CUL1: variants seen among roughly 807,000 people sequenced by gnomAD.
CUL1 encodes cullin 1.
In CUL1, 24 loss-of-function variants were observed where a neutral mutation model predicts 118.0. The observed-to-expected ratio is 0.20, with a 90% CI of 0.15 to 0.29. The LOEUF is 0.29. CUL1 is among the 10% of genes least tolerant of loss of function. The probability of loss-of-function intolerance (pLI) is 1.00; values close to 1 mark genes in which losing one functional copy is unlikely to be tolerated. For synonymous variants in CUL1, 332 were observed against 340.4 expected (o/e 0.98, Z 0.27); for missense variants, 361 against 933.8 (o/e 0.39, Z 7.99).
intron 2 of CUL1, among the ~76,000 whole-genome samples, chr7:148,749,630 TC>T (rs1315444025): frequency 1.3e-5 from 2 of 151,994 alleles, no homozygotes; most frequent in Admixed American, 1.3e-4. Flanking sequence ...GACTGGCCAT[TC>T]CCCCATCTCT....
intron 1 of CUL1, among the ~76,000 whole-genome samples, chr7:148,701,579 C>T (rs373708757): frequency 7.8e-4 from 119 of 152,290 alleles, no homozygotes; most frequent in African/African-American, 2.8e-3. Flanking sequence ...CTTGCCTTTG[C>T]AATGAAGCAG....
intron 2 of CUL1, among the ~76,000 whole-genome samples, chr7:148,730,978 A>G (rs1382965702): frequency 6.7e-6 from 1 of 149,488 alleles, no homozygotes; most frequent in Non-Finnish European, 1.5e-5. Flanking sequence ...CACCTGGCCA[A>G]TTTTTTTTTT....
At chr7:148,797,395 CAAAA>C (rs5888340) in intron 17 of CUL1, among the ~76,000 whole-genome samples, 1 of 120,498 alleles carries the variant, frequency 8.3e-6, no homozygotes, top group Non-Finnish European at 1.7e-5. Context: ...ACATGATGCT[CAAAA>C]AAAAAAAAAA....
chr7:148,731,458 ATG>A (rs909160723), intron 2 of CUL1, among the ~76,000 whole-genome samples: 16 of 152,358 alleles, frequency 1.1e-4, no homozygotes, highest in South Asian at 2.1e-4. Context: ...TTAGCATAAA[ATG>A]TGTGTTTGCA....
intron 9 of CUL1, among the ~76,000 whole-genome samples, chr7:148,777,819 AT>A (rs1563166498): frequency 6.6e-6 from 1 of 151,894 alleles, no homozygotes; most frequent in South Asian, 2.1e-4. Flanking sequence ...TAATCCCAGC[AT>A]TTTGGGAGGC....
chr7:148,790,759 C>T (rs183807211), intron 16 of CUL1, among the ~76,000 whole-genome samples: 1 of 152,304 alleles, frequency 6.6e-6, no homozygotes, highest in Non-Finnish European at 1.5e-5. Flanking sequence ...CTGCCTGACA[C>T]ACATCAGCTG....
At chr7:148,737,327 CAATT>C (rs1368490829) in intron 2 of CUL1, among the ~76,000 whole-genome samples, 1 of 151,796 alleles carries the variant, frequency 6.6e-6, no homozygotes, top group Non-Finnish European at 1.5e-5. Context: ...TCATTATAAT[CAATT>C]GCAATTAGTT....
intron 17 of CUL1, among the ~76,000 whole-genome samples, chr7:148,795,766 T>C (rs1801175477): frequency 7.1e-6 from 1 of 140,662 alleles, no homozygotes; most frequent in African/African-American, 2.8e-5. Flanking sequence ...CAAGACTCTG[T>C]CTCAAAAAAA....
chr7:148,760,607 T>A, intron 7 of CUL1, 111 bp downstream of exon 7: 1 of 760,886 alleles, frequency 1.3e-6, no homozygotes, highest in Non-Finnish European at 2.1e-6. Flanking sequence ...TGGGCATTGT[T>A]TTTCTAGAGT....
chr7:148,764,748 A>T (rs1426314384), intron 7 of CUL1, among the ~76,000 whole-genome samples: 1 of 152,228 alleles, frequency 6.6e-6, no homozygotes, highest in Non-Finnish European at 1.5e-5. Context: ...TATTGTTTTA[A>T]AATATCTTTA....
At chr7:148,743,441 G>A (rs1326486741) in intron 2 of CUL1, among the ~76,000 whole-genome samples, 4 of 152,158 alleles carry the variant, frequency 2.6e-5, no homozygotes, top group African/African-American at 9.7e-5. Context: ...TCCCTGCTCA[G>A]AGAGCCAATT....
At chr7:148,794,450 A>G (rs1801116124) in intron 17 of CUL1, among the ~76,000 whole-genome samples, 1 of 152,208 alleles carries the variant, frequency 6.6e-6, no homozygotes, top group African/African-American at 2.4e-5. Flanking sequence ...CTATGCCAGT[A>G]TCACACTGTC....
intron 2 of CUL1, among the ~76,000 whole-genome samples, chr7:148,745,552 C>T (rs542175703): frequency 3.3e-5 from 5 of 152,188 alleles, no homozygotes; most frequent in Non-Finnish European, 5.9e-5. Flanking sequence ...TTAGGTACTT[C>T]GGTACATTTA....
At position 148,789,728 on chromosome 7, in the gene CUL1, T is replaced by TCC. The variant is rs1404202461; in HGVS notation, c.1598-19_1598-18dup. 1.9e-6 allele frequency: 3 copies of TCC among 1,602,858 alleles called. No homozygotes were observed. In the African/African-American group the frequency reaches 4.0e-5, roughly 21 times the overall value. ...TTAATGTATTCCAGAATGTTCACTC[T>TCC]CCCCTCTCTTCCGTCCCACAGTGGA... On this transcript the variant is annotated intron_variant, in intron 14 of 21. Transcript: ENST00000325222.
chr7:148,712,698 C>T (rs913838586), intron 1 of CUL1, among the ~76,000 whole-genome samples: 2 of 152,280 alleles, frequency 1.3e-5, no homozygotes, highest in African/African-American at 2.4e-5. Flanking sequence ...TTCCTCATAG[C>T]CACCTTATAC....
chr7:148,720,288 A>G (rs1006633364), intron 1 of CUL1, among the ~76,000 whole-genome samples: 1 of 152,216 alleles, frequency 6.6e-6, no homozygotes, highest in African/African-American at 2.4e-5. Context: ...GGACGAGGCC[A>G]GTGAAGACCC....
intron 2 of CUL1, among the ~76,000 whole-genome samples, chr7:148,742,376 C>T (rs1271870904): frequency 6.6e-6 from 1 of 152,102 alleles, no homozygotes; most frequent in Admixed American, 6.5e-5. Context: ...TGCAGGGAAA[C>T]TCCCATTTAT....
intron 1 of CUL1, among the ~76,000 whole-genome samples, chr7:148,724,825 T>G (rs1201115393): frequency 6.6e-6 from 1 of 152,196 alleles, no homozygotes; most frequent in Non-Finnish European, 1.5e-5. Context: ...CTACCTGATT[T>G]CCTAAGTATA....
intron 1 of CUL1, 35 bp downstream of exon 1, chr7:148,699,064 TGGCGGC>T (rs924893127): frequency 1.2e-4 from 18 of 152,610 alleles, no homozygotes; most frequent in Middle Eastern, 3.3e-3. Flanking sequence ...CGAGAGGAGG[TGGCGGC>T]GGCGGCGGCG....
Sources: allele counts gnomAD v4.1 joint callset (sites outside exome capture counted in the v4.1 genomes callset), GRCh38; gene constraint gnomAD v4.1.1; transcripts MANE v1.5; gene names NCBI Gene and HGNC (gene_info 2026-07-23, HGNC 2026-07-21).